Variants in HERC4 observed in about 807,000 individuals in gnomAD.
The protein encoded by HERC4 is probable E3 ubiquitin-protein ligase HERC4.
In HERC4, 28 loss-of-function variants were observed where a neutral mutation model predicts 124.3. The observed-to-expected ratio is 0.23, with a 90% CI of 0.17 to 0.31. The LOEUF (loss-of-function observed/expected upper bound fraction) is 0.31, where lower values mean the gene tolerates loss of function less well. Among genes scored for constraint, HERC4 ranks in the 10% least tolerant of loss-of-function variants. HERC4 has a pLI of 1.00. For synonymous variants in HERC4, 407 were observed against 421.5 expected, an observed-to-expected ratio of 0.97 and a Z score of 0.42; for missense variants, 713 against 1,229.3, an observed-to-expected ratio of 0.58 and a Z score of 6.28.
At chr10:68,025,467 A>G (rs2038853720) in intron 8 of HERC4, 79 bp downstream of exon 8, 7 of 1,431,856 alleles carry the variant, frequency 4.9e-6, no homozygotes. Flanking sequence ...GATTATTAGG[A>G]TCTCTGAAAC....
chr10:67,922,980 G>C lies in HERC4; in HGVS notation c.3101C>G (p.Ser1034Cys), dbSNP rs529119566. 1.9e-6 allele frequency: 3 copies of C among 1,613,830 alleles called. No homozygotes were observed. The highest frequency in any genetic ancestry group is 2.2e-5 in the East Asian group (1 of 44,862). Residue 1034 changes from serine to cysteine, a missense_variant, in exon 25 of 25, where the codon TCT (serine) becomes TGT (cysteine). Coordinates refer to ENST00000373700, the MANE Select transcript of HERC4 (RefSeq NM_015601.4). ...GTGATCAATAGCTTGGATCAGTTTA[G>C]AGCGTAGAGTTTCTTTTTCTGTATA... is the stretch of plus-strand genomic sequence containing the variant. ...PKYTEKETLR[S>C]KLIQAIDHNE...
intron 19 of HERC4, among the ~76,000 whole-genome samples, chr10:67,944,407 A>G (rs2033162303): frequency 6.6e-6 from 1 of 152,262 alleles, no homozygotes; most frequent in Non-Finnish European, 1.5e-5. Flanking sequence ...TAATGCAGAT[A>G]TGGCTGCAAT....
chr10:67,999,398 C>T (rs1203149542), intron 9 of HERC4, among the ~76,000 whole-genome samples: 1 of 152,156 alleles, frequency 6.6e-6, no homozygotes, highest in African/African-American at 2.4e-5. Context: ...TGATGCTTGC[C>T]TGAAGACTCT....
At chr10:68,005,495 A>C (rs1161503709) in intron 9 of HERC4, among the ~76,000 whole-genome samples, 1 of 151,914 alleles carries the variant, frequency 6.6e-6, no homozygotes, top group Non-Finnish European at 1.5e-5. Context: ...CCAGCCAGCC[A>C]CTCAGTGTCT....
intron 8 of HERC4, among the ~76,000 whole-genome samples, chr10:68,017,239 A>C (rs1456736031): frequency 6.6e-6 from 1 of 152,186 alleles, no homozygotes; most frequent in African/African-American, 2.4e-5. Context: ...CCCAAGAACG[A>C]GATATGTAAC....
intron 5 of HERC4, among the ~76,000 whole-genome samples, chr10:68,036,832 C>G (rs1286502938): frequency 6.6e-6 from 1 of 151,984 alleles, no homozygotes; most frequent in Non-Finnish European, 1.5e-5. Flanking sequence ...TTATTATTAC[C>G]AATTATATCA....
chr10:67,976,763 T>G (rs2132578239), intron 15 of HERC4, among the ~76,000 whole-genome samples: 1 of 152,274 alleles, frequency 6.6e-6, no homozygotes, highest in South Asian at 2.1e-4. Flanking sequence ...ATGCAGCAAT[T>G]GTTAGGCATT....
chr10:67,952,772 C>T (rs1415432631), intron 19 of HERC4, among the ~76,000 whole-genome samples: 1 of 151,582 alleles, frequency 6.6e-6, no homozygotes, highest in Non-Finnish European at 1.5e-5. Context: ...TGGTGGCAGG[C>T]GCCTGTAGTC....
intron 19 of HERC4, among the ~76,000 whole-genome samples, chr10:67,947,469 C>A (rs2033454923): frequency 6.6e-6 from 1 of 152,124 alleles, no homozygotes; most frequent in South Asian, 2.1e-4. Flanking sequence ...CAAAAGCTGA[C>A]AGAATCAAAG....
chr10:68,045,238 G>A (rs900907422), intron 3 of HERC4, among the ~76,000 whole-genome samples: 3 of 152,158 alleles, frequency 2.0e-5, no homozygotes, highest in Admixed American at 6.6e-5. Context: ...CAGGAGACTC[G>A]CTTGAATCTG....
At chr10:67,936,004 G>A in intron 22 of HERC4, 149 bp downstream of exon 22, 2 of 484,774 alleles carry the variant, frequency 4.1e-6, no homozygotes, top group East Asian at 3.2e-5. Context: ...GGGATTTCAG[G>A]AGGAAAAGGC....
intron 7 of HERC4, among the ~76,000 whole-genome samples, chr10:68,028,527 A>C (rs1481156345): frequency 6.6e-6 from 1 of 152,220 alleles, no homozygotes; most frequent in Non-Finnish European, 1.5e-5. Flanking sequence ...ACATGGGATC[A>C]GACTCTTCTC....
At chr10:67,973,965 T>A (rs2035407801) in intron 15 of HERC4, among the ~76,000 whole-genome samples, 1 of 149,632 alleles carries the variant, frequency 6.7e-6, no homozygotes, top group South Asian at 2.1e-4. Context: ...AAGAATCACT[T>A]GAACCCGGGA....
intron 5 of HERC4, among the ~76,000 whole-genome samples, chr10:68,034,653 G>A (rs1295066196): frequency 6.6e-6 from 1 of 151,980 alleles, no homozygotes; most frequent in East Asian, 1.9e-4. Flanking sequence ...CACTATACTT[G>A]GAAATTTCAA....
intron 3 of HERC4, chr10:68,067,156 G>A (rs1014023391): frequency 6.6e-6 from 1 of 152,566 alleles, no homozygotes; most frequent in Admixed American, 6.5e-5. Flanking sequence ...TGTGTCACAA[G>A]CATTTTGAAA....
rs759781167 is a variant in HERC4, at chr10:68,072,966, AAC to A, written c.141_142del (p.Phe48CysfsTer4). ...GTACACTGTTCCATCATCCAGAACA[AAC>A]ACAGTATGTCTGAGTCCACATCCTA... is the stretch of plus-strand genomic sequence containing the variant. On this transcript the variant is annotated frameshift_variant, in exon 3 of 25. Coordinates refer to ENST00000373700, the MANE Select transcript of HERC4 (RefSeq NM_015601.4). LOFTEE classifies it high-confidence loss of function. 6.2e-7 allele frequency: 1 copy of A among 1,614,068 alleles called. No homozygotes were observed. The highest frequency in any genetic ancestry group is 1.1e-5 in the South Asian group (1 of 91,086).
intron 22 of HERC4, among the ~76,000 whole-genome samples, chr10:67,934,695 AT>A (rs2032173514): frequency 2.0e-5 from 3 of 152,052 alleles, no homozygotes; most frequent in African/African-American, 7.2e-5. Flanking sequence ...GTTAAAAGTA[AT>A]TTTCTCCCAA....
intron 22 of HERC4, among the ~76,000 whole-genome samples, chr10:67,934,084 A>C (rs1259518451): frequency 6.6e-6 from 1 of 152,230 alleles, no homozygotes; most frequent in Non-Finnish European, 1.5e-5. Flanking sequence ...TCTGATATTT[A>C]TATTCAAGCT....
chr10:67,995,225 T>TA (rs1191360311), intron 9 of HERC4: 2 of 454,950 alleles, frequency 4.4e-6, no homozygotes, highest in South Asian at 1.6e-5. Flanking sequence ...AGGAAACACA[T>TA]AATTCCTTTG....
Sources: allele counts gnomAD v4.1 joint callset (sites outside exome capture counted in the v4.1 genomes callset), GRCh38; gene constraint gnomAD v4.1.1; transcripts MANE v1.5; gene names NCBI Gene and HGNC (gene_info 2026-07-23, HGNC 2026-07-21).